The following SLC35F3 variants were observed in gnomAD, a reference collection of about 807,000 sequenced individuals.
SLC35F3 encodes the protein solute carrier family 35 member F3, also known as putative thiamine transporter SLC35F3.
SLC35F3 carries 25 observed loss-of-function variants against 49.9 expected under a neutral mutation model. The ratio of observed to expected loss-of-function variants is 0.50; its 90% CI spans 0.37 to 0.70. SLC35F3 has a LOEUF of 0.70. Among genes scored for constraint, SLC35F3 ranks in the 30% least tolerant of loss-of-function variants. The pLI is 0.00. For missense variants in SLC35F3, 525 were observed against 639.8 expected (o/e 0.82, Z 1.94); for synonymous variants, 275 against 265.4 (o/e 1.04, Z -0.35).
At position 234,101,933 on chromosome 1, in the gene SLC35F3, G is replaced by T. The variant is rs193274971; in HGVS notation, c.284-129484G>T. Among the ~76,000 whole-genome samples, 622 of 152,342 alleles carry T rather than the reference G, an allele frequency of 4.1e-3. 7 individuals are homozygous for T. Among genetic ancestry groups the T allele is most frequent in the African/African-American group, 0.014 (585 of 41,580 alleles). ...TAGGCCACAGGCATGTTCTGCCTCC[G>T]ATTCAAGAAGCCGGAAGCATAGATT... On this transcript the variant is annotated intron_variant, in intron 2 of 7. Transcript: ENST00000366618.
chr1:234,159,944 A>G (rs964331057), intron 2 of SLC35F3, among the ~76,000 whole-genome samples: 7 of 152,210 alleles, frequency 4.6e-5, no homozygotes, highest in Admixed American at 3.9e-4. Flanking sequence ...TGCAGGAATC[A>G]CTGGTGCCAA....
At chr1:234,051,277 A>C (rs529335749) in intron 2 of SLC35F3, among the ~76,000 whole-genome samples, 4 of 152,270 alleles carry the variant, frequency 2.6e-5, no homozygotes, top group Non-Finnish European at 5.9e-5. Context: ...ATGAGCATGG[A>C]ATGTTCTTCC....
chr1:234,069,262 AT>A (rs35052058), intron 2 of SLC35F3, among the ~76,000 whole-genome samples: 82,367 of 128,068 alleles, frequency 0.64, 26,583 homozygotes, highest in African/African-American at 0.72. Flanking sequence ...TATAAAATAC[AT>A]TTTTTTTTTT....
intron 2 of SLC35F3, among the ~76,000 whole-genome samples, chr1:234,133,767 G>T (rs949533637): frequency 5.3e-5 from 8 of 152,212 alleles, no homozygotes; most frequent in African/African-American, 1.9e-4. Flanking sequence ...CTTGTAATGA[G>T]TAGTGCTAAA....
chr1:234,227,104 T>G (rs988178609), intron 2 of SLC35F3, among the ~76,000 whole-genome samples: 12 of 152,152 alleles, frequency 7.9e-5, no homozygotes, highest in African/African-American at 2.7e-4. Context: ...TTCAGGGAGA[T>G]GTTTGAATCC....
rs550726426 is a variant in SLC35F3 at position 234,042,841 on chromosome 1, T to C, written c.283+137083T>C. Among the ~76,000 whole-genome samples the C allele has an allele frequency of 1.5e-4, 23 of 152,304 alleles. 1 individual carries two copies. In the South Asian group the frequency reaches 4.8e-3, roughly 32 times the overall value. Reference sequence around the variant, plus strand: ...TAGGTGCACCTAGTAACAACTGAAATGGTGTCGAAGAGCCTGCTTTGACGA... The same window carrying C: ...TAGGTGCACCTAGTAACAACTGAAACGGTGTCGAAGAGCCTGCTTTGACGA... On this transcript the variant is annotated intron_variant, in intron 2 of 7. Transcript: ENST00000366618.
intron 3 of SLC35F3, among the ~76,000 whole-genome samples, chr1:234,271,485 C>T (rs550449721): frequency 2.0e-5 from 3 of 151,996 alleles, no homozygotes; most frequent in African/African-American, 7.2e-5. Context: ...AGAGTTTTTT[C>T]GTTTTGTGAA....
chr1:234,294,105 T>C (rs1477113833), intron 3 of SLC35F3, among the ~76,000 whole-genome samples: 1 of 152,224 alleles, frequency 6.6e-6, no homozygotes, highest in Non-Finnish European at 1.5e-5. Context: ...CCCATGTCTT[T>C]AAATAGTTTT....
chr1:233,961,136 G>T (rs1021219019), intron 2 of SLC35F3, among the ~76,000 whole-genome samples: 10 of 152,108 alleles, frequency 6.6e-5, no homozygotes, highest in South Asian at 2.1e-4. Context: ...ATTTGCAGTG[G>T]TGCCTGATTT....
chr1:233,908,715 T>C (rs1170650951), intron 2 of SLC35F3, among the ~76,000 whole-genome samples: 1 of 151,742 alleles, frequency 6.6e-6, no homozygotes, highest in Non-Finnish European at 1.5e-5. Flanking sequence ...TTTGTATTTT[T>C]AGTAAAGATG....
intron 2 of SLC35F3, among the ~76,000 whole-genome samples, chr1:234,191,896 T>C (rs112684652): frequency 6.6e-6 from 1 of 151,998 alleles, no homozygotes; most frequent in Non-Finnish European, 1.5e-5. Context: ...CCCTCCTAGA[T>C]TAAGTCAGGA....
intron 2 of SLC35F3, among the ~76,000 whole-genome samples, chr1:234,147,350 T>C (rs1045168944): frequency 6.6e-6 from 1 of 152,138 alleles, no homozygotes; most frequent in Non-Finnish European, 1.5e-5. Flanking sequence ...TTTATCCAAT[T>C]TACTGTGTTT....
chr1:234,302,105 T>C (rs644212), intron 3 of SLC35F3, among the ~76,000 whole-genome samples: 117,380 of 152,036 alleles, frequency 0.77, 46,080 homozygotes, highest in African/African-American at 0.93. Context: ...CACCATGGCA[T>C]GCATGTACCT....
At chr1:234,268,154 G>A (rs1339154909) in intron 3 of SLC35F3, among the ~76,000 whole-genome samples, 2 of 152,132 alleles carry the variant, frequency 1.3e-5, no homozygotes, top group African/African-American at 4.8e-5. Context: ...CTGCACTCCA[G>A]CCTGGGCAAC....
At chr1:233,980,099 C>T (rs933888205) in intron 2 of SLC35F3, among the ~76,000 whole-genome samples, 1 of 152,200 alleles carries the variant, frequency 6.6e-6, no homozygotes, top group East Asian at 1.9e-4. Context: ...GCCTTTGCAA[C>T]CATTTCTTTT....
rs1295580155 is a variant in SLC35F3 at position 234,231,095 on chromosome 1, C to T, written c.284-322C>T. On this transcript the variant is annotated intron_variant, in intron 2 of 7. Transcript: ENST00000366618. This position sits in a 1 kb window ranked among gnomAD's most constrained non-coding sequence, Gnocchi z 5.4. ...AAGCACGCAGATCACCTGAGGAATGCAGGTTCTGATTTTGGAGTCTGGGGT... is the reference window on the plus strand; with the variant it reads ...AAGCACGCAGATCACCTGAGGAATGTAGGTTCTGATTTTGGAGTCTGGGGT... Among the ~76,000 whole-genome samples the T allele has an allele frequency of 2.0e-5, 3 of 152,316 alleles. No homozygotes were observed. The highest frequency in any genetic ancestry group is 7.2e-5 in the African/African-American group (3 of 41,576).
chr1:233,931,337 A>G (rs910496898), intron 2 of SLC35F3, among the ~76,000 whole-genome samples: 2 of 152,250 alleles, frequency 1.3e-5, no homozygotes, highest in African/African-American at 4.8e-5. Context: ...AACTATCATC[A>G]GAGTGAACAG....
At chr1:234,039,726 C>T (rs968698869) in intron 2 of SLC35F3, among the ~76,000 whole-genome samples, 27 of 152,214 alleles carry the variant, frequency 1.8e-4, no homozygotes, top group African/African-American at 6.3e-4. Flanking sequence ...ATGCTCAACC[C>T]CTCGTGGGAG....
At chr1:234,285,864 G>C (rs1402758534) in intron 3 of SLC35F3, among the ~76,000 whole-genome samples, 1 of 152,194 alleles carries the variant, frequency 6.6e-6, no homozygotes, top group Non-Finnish European at 1.5e-5. Context: ...AATGGAGAAA[G>C]AAGAGTTGAA....
Sources: allele counts gnomAD v4.1 joint callset (sites outside exome capture counted in the v4.1 genomes callset), GRCh38; gene constraint gnomAD v4.1.1; non-coding constraint Gnocchi (gnomAD v3.1); transcripts MANE v1.5; gene names NCBI Gene and HGNC (gene_info 2026-07-23, HGNC 2026-07-21).